Variants in NIBAN2 observed in about 807,000 individuals in gnomAD.
The protein encoded by NIBAN2 is niban apoptosis regulator 2.
NIBAN2 carries 36 observed loss-of-function variants against 81.8 expected under a neutral mutation model. The ratio of observed to expected loss-of-function variants is 0.44; its 90% CI spans 0.34 to 0.58. The LOEUF is 0.58. NIBAN2 is among the 20% of genes least tolerant of loss of function. The pLI is 0.02. For synonymous variants in NIBAN2, 445 were observed against 441.6 expected, an observed-to-expected ratio of 1.01 and a Z score of -0.10; for missense variants, 897 against 1,014.1, an observed-to-expected ratio of 0.88 and a Z score of 1.57.
In NIBAN2 at chr9:127,516,958, A is replaced by G. The variant is rs751640282; in HGVS notation, c.872T>C (p.Leu291Pro). The G allele has an allele frequency of 1.2e-6, 2 of 1,614,078 alleles. No homozygotes were observed. The highest frequency in any genetic ancestry group is 2.2e-5 in the South Asian group (2 of 91,080). ...CGGCTGCACCTGCTGCACCTTGGAC[A>G]GCACCTCCTCGAAGCGCGCCTTGGC... ...EQAKARFEEV[L>P]SKVQQVQPAM... Residue 291 changes from leucine (L) to proline (P), a missense_variant, in exon 8 of 14, where the codon CTG becomes CCG. Physicochemically the swap from Leu to Pro is moderately conservative, Grantham distance 98. This residue lies in a region of NIBAN2 where 619 missense variants were observed against 691.0 expected (regional missense o/e 0.90). Coordinates refer to ENST00000373312, the MANE Select transcript of NIBAN2 (RefSeq NM_022833.4).
chr9:127,542,133 A>G (rs993936414), intron 1 of NIBAN2, among the ~76,000 whole-genome samples: 6 of 152,164 alleles, frequency 3.9e-5, no homozygotes, highest in African/African-American at 7.2e-5. Flanking sequence ...GAAACCTTCC[A>G]GTGGTACAGC....
In NIBAN2 at chr9:127,506,110, G is replaced by A. The variant is rs1307937267; in HGVS notation, c.*735C>T. The A allele has an allele frequency of 6.6e-6, 1 of 150,442 alleles. No homozygotes were observed. The highest frequency in any genetic ancestry group is 2.4e-5 in the African/African-American group (1 of 40,878). 9.3% of individuals were successfully genotyped at this position (150,442 alleles called of 1,614,324 possible). A position where few individuals can be genotyped will look rare whatever the true frequency, so the allele number is the denominator to read the frequency against. ...GGATACACAGGCCCATAAAACCTCA[G>A]GCTCCCCATAACCCTCACTCAGCCA... On this transcript the variant is annotated 3_prime_UTR_variant, in exon 14 of 14. Coordinates refer to ENST00000373312, the MANE Select transcript of NIBAN2 (RefSeq NM_022833.4).
At chr9:127,539,855 A>G (rs1837345669) in intron 1 of NIBAN2, among the ~76,000 whole-genome samples, 2 of 152,230 alleles carry the variant, frequency 1.3e-5, no homozygotes, top group Non-Finnish European at 2.9e-5. Flanking sequence ...CTCTGGGTCC[A>G]AGTCCCAGCT....
Position 127,523,736 on chromosome 9 carries a change from C to T in NIBAN2, c.532G>A (p.Ala178Thr), listed in dbSNP as rs144153796. Residue 178 changes from alanine (A) to threonine (T), a missense_variant, in exon 5 of 14, where the codon GCC (alanine) becomes ACC (threonine). Around this residue, in one of 3 missense-constraint regions of NIBAN2, gnomAD observed 69 missense variants for 114.7 expected, o/e 0.60. Coordinates refer to ENST00000373312, the MANE Select transcript of NIBAN2 (RefSeq NM_022833.4). ...ACAGCCTGCCACTTGTCCTGCTCGG[C>T]TTCTGTCATCATGCAGAAGTAGTAG... ...RHYYFCMMTE[A>T]EQDKWQAVLQ... The T allele has an allele frequency of 3.5e-5, 56 of 1,614,048 alleles. No individual in the cohort carries two copies. In the African/African-American group the frequency reaches 4.4e-4, roughly 13 times the overall value.
chr9:127,529,360 C>A (rs1023599592), intron 2 of NIBAN2, among the ~76,000 whole-genome samples: 1 of 152,196 alleles, frequency 6.6e-6, no homozygotes, highest in Non-Finnish European at 1.5e-5. Context: ...CTGTTTTAGC[C>A]GGGCGCTGTG....
chr9:127,558,634 C>G (rs1837718359), intron 1 of NIBAN2, among the ~76,000 whole-genome samples: 1 of 152,158 alleles, frequency 6.6e-6, no homozygotes, highest in African/African-American at 2.4e-5. Flanking sequence ...CACACCTTCC[C>G]CAGCCCATCA....
At chr9:127,510,668 C>A (rs1055997100) in intron 8 of NIBAN2, among the ~76,000 whole-genome samples, 1 of 152,096 alleles carries the variant, frequency 6.6e-6, no homozygotes, top group Admixed American at 6.6e-5. Context: ...AACTCCTCAC[C>A]TCGTGATCCA....
At position 127,517,874 on chromosome 9, in the gene NIBAN2, G is replaced by C. The variant is rs1170990926; in HGVS notation, c.657C>G (p.Ser219=). The change falls in exon 6 of 14, where the codon TCC becomes TCG. Residue 219 remains serine, a synonymous_variant. Transcript: ENST00000373312. This position sits in a 1 kb window ranked among gnomAD's most constrained non-coding sequence, Gnocchi z 4.0. The stretch of plus-strand genomic sequence containing the variant: ...TCTCCCAGGTGCCGTACAGCTCCTT[G>C]GACTGTCGGTACATGCGGATGGCAT... ...FTDAIRMYRQ[S]KELYGTWEML... The C allele has an allele frequency of 5.0e-6, 8 of 1,613,796 alleles. No homozygotes were observed. Among genetic ancestry groups the C allele is most frequent in the Non-Finnish European group, 6.8e-6 (8 of 1,179,914 alleles).
At chr9:127,566,582 T>G (rs898972893) in intron 1 of NIBAN2, among the ~76,000 whole-genome samples, 1 of 152,126 alleles carries the variant, frequency 6.6e-6, no homozygotes, top group Non-Finnish European at 1.5e-5. Flanking sequence ...GCTCACCTGC[T>G]TGGGGCGGGC....
chr9:127,508,398 G>A lies in NIBAN2; in HGVS notation c.1434+24C>T, dbSNP rs764867958. On this transcript the variant is annotated intron_variant, in intron 11 of 13. Coordinates refer to ENST00000373312, the MANE Select transcript of NIBAN2 (RefSeq NM_022833.4). The surrounding 1 kb of genome is among the most constrained non-coding windows in gnomAD (Gnocchi z 6.4). Reference sequence around the variant, plus strand: ...GGCTCGGCCTCGCCTAGGACGGTCCGGGGCAGGGCGTGGGGCCGCTCACCT... The same window carrying A: ...GGCTCGGCCTCGCCTAGGACGGTCCAGGGCAGGGCGTGGGGCCGCTCACCT... 32 of 1,566,252 alleles carry A rather than the reference G, an allele frequency of 2.0e-5. No homozygotes were observed. Among genetic ancestry groups the A allele is most frequent in the Middle Eastern group, 2.1e-4 (1 of 4,704 alleles).
intron 3 of NIBAN2, 24 bp downstream of exon 3, chr9:127,527,170 G>A (rs760694707): frequency 6.2e-7 from 1 of 1,610,338 alleles, no homozygotes. Flanking sequence ...GAGGCTCAGT[G>A]TGGCGCCCGG....
chr9:127,564,169 T>TG (rs1163884244), intron 1 of NIBAN2, among the ~76,000 whole-genome samples: 1 of 151,954 alleles, frequency 6.6e-6, no homozygotes, highest in Non-Finnish European at 1.5e-5. Flanking sequence ...GGTGGGCACC[T>TG]GTAGTCCCAG....
intron 1 of NIBAN2, among the ~76,000 whole-genome samples, chr9:127,560,259 C>T (rs1025110550): frequency 1.3e-5 from 2 of 152,206 alleles, no homozygotes; most frequent in African/African-American, 2.4e-5. Flanking sequence ...CAGTCACGTA[C>T]ATCAGCTCGC....
Position 127,508,888 on chromosome 9 carries a change from G to C in NIBAN2, c.1317+88C>G, listed in dbSNP as rs1836670775. 6.8e-7 allele frequency: 1 copy of C among 1,460,746 alleles called. No individual in the cohort carries two copies. The highest frequency in any genetic ancestry group is 1.7e-5 in the Admixed American group (1 of 57,912). The allele number at this position is 1,460,746 out of a possible 1,614,324, so 90.5% of individuals were successfully genotyped here. ...AGGCAAGCGTGGCTATGGCATGACGGGACGGAGCAGAAGGGACCCCCTGGG... is the reference window on the plus strand; with the variant it reads ...AGGCAAGCGTGGCTATGGCATGACGCGACGGAGCAGAAGGGACCCCCTGGG... On this transcript the variant is annotated intron_variant, in intron 10 of 13. Coordinates refer to ENST00000373312, the MANE Select transcript of NIBAN2 (RefSeq NM_022833.4). The surrounding 1 kb of genome is among the most constrained non-coding windows in gnomAD (Gnocchi z 6.4).
chr9:127,510,459 C>T (rs544757588), intron 8 of NIBAN2, 126 bp from the exon 9 acceptor site: 81 of 588,914 alleles, frequency 1.4e-4, no homozygotes, highest in Middle Eastern at 5.2e-4. Flanking sequence ...TTTTTTGAGA[C>T]GGAGTCTCGC....
chr9:127,541,471 G>C (rs2243950), intron 1 of NIBAN2, among the ~76,000 whole-genome samples: 101,782 of 152,138 alleles, frequency 0.67, 36,989 homozygotes, highest in Middle Eastern at 0.83. Context: ...CATGAACTCT[G>C]AACAGGGAAC....
intron 1 of NIBAN2, among the ~76,000 whole-genome samples, chr9:127,560,264 G>A (rs948710220): frequency 1.3e-5 from 2 of 152,056 alleles, no homozygotes; most frequent in South Asian, 4.1e-4. Context: ...ACGTACATCA[G>A]CTCGCCCCAG....
chr9:127,576,490 G>T (rs7875176), intron 1 of NIBAN2, among the ~76,000 whole-genome samples: 4,191 of 152,126 alleles, frequency 0.028, 155 homozygotes, highest in African/African-American at 0.079. Flanking sequence ...TAATGGAAGC[G>T]CCCGTTCATT....
chr9:127,523,818 G>T lies in NIBAN2; in HGVS notation c.450C>A (p.Pro150=). The change falls in exon 5 of 14, where the codon CCC becomes CCA. Residue 150 remains proline, a synonymous_variant. Transcript: ENST00000373312. ...PGTTAKSGSA[P]ILKCPTQFPL... Reference sequence around the variant, plus strand: ...GGAACTGTGTGGGGCACTTGAGGATGGGGGCACTGCCCGACTTTGCCGTGG... The same window carrying T: ...GGAACTGTGTGGGGCACTTGAGGATTGGGGCACTGCCCGACTTTGCCGTGG... The T allele has an allele frequency of 6.2e-7, 1 of 1,612,696 alleles. No individual in the cohort carries two copies. Among genetic ancestry groups the T allele is most frequent in the South Asian group, 1.1e-5 (1 of 91,060 alleles).
Sources: allele counts gnomAD v4.1 joint callset (sites outside exome capture counted in the v4.1 genomes callset), GRCh38; gene constraint gnomAD v4.1.1; regional missense constraint gnomAD v4.1.1; non-coding constraint Gnocchi (gnomAD v3.1); transcripts MANE v1.5; gene names NCBI Gene and HGNC (gene_info 2026-07-23, HGNC 2026-07-21).